MARCHF2: variants seen among roughly 807,000 people sequenced by gnomAD.
MARCHF2 encodes the protein E3 ubiquitin-protein ligase MARCHF2.
MARCHF2 carries 22 observed loss-of-function variants against 24.0 expected under a neutral mutation model. The ratio of observed to expected loss-of-function variants is 0.92; its 90% CI spans 0.66 to 1.31. The LOEUF (loss-of-function observed/expected upper bound fraction) is 1.31. MARCHF2 is among the 50% of genes most tolerant of loss of function. MARCHF2 has a pLI of 0.00. For missense variants in MARCHF2, 301 were observed against 335.3 expected, an observed-to-expected ratio of 0.90 and a Z score of 0.80; for synonymous variants, 154 against 153.0, an observed-to-expected ratio of 1.01 and a Z score of -0.05.
rs1270609498 is a variant in MARCHF2, at chr19:8,424,864, A to AT, written c.177-1744dup. 2.0e-5 allele frequency among the ~76,000 whole-genome samples: 3 copies of AT among 152,152 alleles called. No individual in the cohort carries two copies. In the East Asian group the frequency reaches 5.8e-4, roughly 29 times the overall value. On this transcript the variant is annotated intron_variant, in intron 2 of 4. Transcript: ENST00000215555. ...GATTATCGGTGACTCTGATGGTATC[A>AT]TACAAGCCTGAGTTGGTTGCATGAG...
chr19:8,420,231 C>T (rs1050670185), intron 1 of MARCHF2, among the ~76,000 whole-genome samples: 8 of 150,534 alleles, frequency 5.3e-5, no homozygotes, highest in African/African-American at 1.9e-4. Flanking sequence ...CCCTGTAATC[C>T]CAGCTACTTG....
At chr19:8,428,859 C>T (rs940325025) in intron 3 of MARCHF2, among the ~76,000 whole-genome samples, 11 of 150,004 alleles carry the variant, frequency 7.3e-5, no homozygotes, top group Middle Eastern at 3.5e-3. Context: ...AGCTTGAACC[C>T]GGAAGGCGGA....
Position 8,421,982 on chromosome 19 carries a change from C to T in MARCHF2, c.142C>T (p.Leu48Phe), listed in dbSNP as rs779207725. 22 of 1,613,206 alleles carry T rather than the reference C, an allele frequency of 1.4e-5. No homozygotes were observed. The highest frequency in any genetic ancestry group is 2.5e-6 in the Non-Finnish European group (3 of 1,179,750). The change falls in exon 2 of 5, where the codon CTC becomes TTC. Residue 48 changes from leucine to phenylalanine, a missense_variant. Physicochemically the swap from Leu to Phe is conservative, Grantham distance 22. Transcript: ENST00000215555. ...AQVTSRDGRL[L>F]STVIRALDTP... ...GGTGACTTCAAGGGATGGCCGGCTC[C>T]TCTCCACCGTCATCCGTGCCTTGGA... is the stretch of plus-strand genomic sequence containing the variant.
rs771511619 is a variant in MARCHF2 at position 8,421,849 on chromosome 19, G to T, written c.9G>T (p.Thr3=). Residue 3 remains threonine, a synonymous_variant, in exon 2 of 5, where the codon ACG becomes ACT. Coordinates refer to ENST00000215555, the MANE Select transcript of MARCHF2 (RefSeq NM_001005415.2). ...CGGGGCTCCCGGTGGCCATGACGAC[G>T]GGTGACTGCTGCCACCTCCCCGGCT... is the stretch of plus-strand genomic sequence containing the variant. MT[T]GDCCHLPGSL... 1.2e-6 allele frequency: 2 copies of T among 1,608,614 alleles called. No individual in the cohort carries two copies. Among genetic ancestry groups the T allele is most frequent in the Admixed American group, 1.7e-5 (1 of 59,292 alleles).
chr19:8,422,786 C>A (rs113328970), intron 2 of MARCHF2, among the ~76,000 whole-genome samples: 1 of 143,994 alleles, frequency 6.9e-6, no homozygotes, highest in Non-Finnish European at 1.5e-5. Flanking sequence ...CTCACTGCAA[C>A]CTCCGCCTCC....
intron 4 of MARCHF2, 174 bp downstream of exon 4, chr19:8,431,041 CA>C (rs755824447): frequency 5.0e-4 from 328 of 652,160 alleles, no homozygotes; most frequent in Admixed American, 1.1e-3. Context: ...CTTGAGATTC[CA>C]AATGTGACAA....
chr19:8,429,803 CT>C (rs371323385), intron 3 of MARCHF2, among the ~76,000 whole-genome samples: 34,091 of 79,064 alleles, frequency 0.43, 6,130 homozygotes, highest in East Asian at 0.63. Flanking sequence ...CACACCAGGG[CT>C]TTTTTTTTTT....
intron 4 of MARCHF2, among the ~76,000 whole-genome samples, chr19:8,434,104 A>C (rs1967652349): frequency 1.8e-5 from 1 of 55,136 alleles, no homozygotes; most frequent in African/African-American, 5.3e-5. Flanking sequence ...TTTTTTTTTG[A>C]GACGGGGTCT....
chr19:8,413,367 G>T lies in MARCHF2; in HGVS notation c.-106G>T, dbSNP rs1352409323. On this transcript the variant is annotated 5_prime_UTR_variant, in exon 1 of 5. Coordinates refer to ENST00000215555, the MANE Select transcript of MARCHF2 (RefSeq NM_001005415.2). Reference sequence around the variant, plus strand: ...GACGGGCCGGGCCGGGCCGGGACCGGGGCCGAGGCGAACCGAGGGGCCTGT... The same window carrying T: ...GACGGGCCGGGCCGGGCCGGGACCGTGGCCGAGGCGAACCGAGGGGCCTGT... The T allele has an allele frequency of 6.6e-6, 1 of 151,718 alleles. No individual in the cohort carries two copies. Among genetic ancestry groups the T allele is most frequent in the South Asian group, 2.1e-4 (1 of 4,826 alleles). The allele number at this position is 151,718 out of a possible 1,614,324, so 9.4% of individuals were successfully genotyped here. A position where few individuals can be genotyped will look rare whatever the true frequency, so the allele number is the denominator to read the frequency against.
At chr19:8,416,547 G>C (rs1011015567) in intron 1 of MARCHF2, among the ~76,000 whole-genome samples, 1 of 152,070 alleles carries the variant, frequency 6.6e-6, no homozygotes, top group Non-Finnish European at 1.5e-5. Context: ...CATGCCACGA[G>C]TGGAATCAAG....
chr19:8,420,160 A>AAAT (rs1967194937), intron 1 of MARCHF2, among the ~76,000 whole-genome samples: 3 of 130,516 alleles, frequency 2.3e-5, no homozygotes, highest in East Asian at 2.2e-4. Context: ...TCCGTCTCAA[A>AAAT]AAATAAATAA....
At chr19:8,422,093 G>A in intron 2 of MARCHF2, 77 bp downstream of exon 2, 1 of 1,484,386 alleles carries the variant, frequency 6.7e-7, no homozygotes, top group Non-Finnish European at 9.0e-7. Flanking sequence ...CCCAGCCTGG[G>A]GTTAGAAGTC....
intron 1 of MARCHF2, among the ~76,000 whole-genome samples, chr19:8,417,310 G>A (rs1454767095): frequency 6.6e-6 from 1 of 152,140 alleles, no homozygotes; most frequent in African/African-American, 2.4e-5. Flanking sequence ...TGGGTGTGGT[G>A]AAACACAGCT....
At chr19:8,434,081 CTTTT>C (rs750325194) in intron 4 of MARCHF2, among the ~76,000 whole-genome samples, 3 of 105,972 alleles carry the variant, frequency 2.8e-5, no homozygotes, top group Non-Finnish European at 1.9e-5. Flanking sequence ...ACCAGCATTT[CTTTT>C]TTTTTTTTTT....
In MARCHF2 at chr19:8,438,647, TC is replaced by T; in HGVS notation, c.*104del. On this transcript the variant is annotated 3_prime_UTR_variant, in exon 5 of 5. Transcript: ENST00000215555. ...ACTTCAACACTTCCACTTCAACAGT[TC>T]CCGCACGGCCTGAACGCTTCTTAGG... 1 of 1,317,902 alleles carries T rather than the reference TC, an allele frequency of 7.6e-7. No homozygotes were observed. The highest frequency in any genetic ancestry group is 1.0e-6 in the Non-Finnish European group (1 of 957,832). The allele number at this position is 1,317,902 out of a possible 1,614,324, so 81.6% of individuals were successfully genotyped here.
rs1967799192 is a variant in MARCHF2, at chr19:8,438,719, T to C, written c.*173T>C. On this transcript the variant is annotated 3_prime_UTR_variant, in exon 5 of 5. Coordinates refer to ENST00000215555, the MANE Select transcript of MARCHF2 (RefSeq NM_001005415.2). ...CCTAGTCTGTGATCCTGTGTGAAGATATTTTCAGGGTTTTTTTTTTTTTTT... is the reference window on the plus strand; with the variant it reads ...CCTAGTCTGTGATCCTGTGTGAAGACATTTTCAGGGTTTTTTTTTTTTTTT... The C allele has an allele frequency of 3.4e-6, 2 of 587,498 alleles. No individual in the cohort carries two copies. Among genetic ancestry groups the C allele is most frequent in the Non-Finnish European group, 5.7e-6 (2 of 348,786 alleles). 36.4% of individuals were successfully genotyped at this position (587,498 alleles called of 1,614,324 possible). A position where few individuals can be genotyped will look rare whatever the true frequency, so the allele number is the denominator to read the frequency against.
intron 1 of MARCHF2, among the ~76,000 whole-genome samples, chr19:8,419,218 G>A (rs185338838): frequency 1.5e-3 from 224 of 152,124 alleles, no homozygotes; most frequent in Non-Finnish European, 2.7e-3. Context: ...AAAATTAGCC[G>A]GGCGTGGTGG....
rs542337220 is a variant in MARCHF2 at position 8,429,783 on chromosome 19, C to T, written c.373-875C>T. Among the ~76,000 whole-genome samples the T allele has an allele frequency of 5.6e-5, 8 of 143,372 alleles. No homozygotes were observed. The South Asian group carries it at 1.8e-3, about 32-fold the overall frequency. The allele number at this position is 143,372 out of a possible 152,430, so 94.1% of individuals were successfully genotyped here. On this transcript the variant is annotated intron_variant, in intron 3 of 4. Transcript: ENST00000215555. ...CCTGCCAAAGTGCTAGGATTACAGACGTGAACCACCACACCAGGGCTTTTT... is the reference window on the plus strand; with the variant it reads ...CCTGCCAAAGTGCTAGGATTACAGATGTGAACCACCACACCAGGGCTTTTT...
At chr19:8,438,061 C>T (rs559020292) in intron 4 of MARCHF2, among the ~76,000 whole-genome samples, 33 of 152,174 alleles carry the variant, frequency 2.2e-4, no homozygotes, top group East Asian at 3.9e-4. Context: ...CCACCTCGCC[C>T]GGCCTGATTG....
Sources: allele counts gnomAD v4.1 joint callset (sites outside exome capture counted in the v4.1 genomes callset), GRCh38; gene constraint gnomAD v4.1.1; transcripts MANE v1.5; gene names NCBI Gene and HGNC (gene_info 2026-07-23, HGNC 2026-07-21).